The following SNTB1 variants were observed in gnomAD, a reference collection of about 807,000 sequenced individuals.
SNTB1 encodes the protein beta-1-syntrophin.
SNTB1 carries 36 observed loss-of-function variants against 48.9 expected under a neutral mutation model. That is an observed-to-expected ratio of 0.74 (90% CI 0.56 to 0.97). The LOEUF (loss-of-function observed/expected upper bound fraction) is 0.97. Among genes scored for constraint, SNTB1 ranks in the 50% least tolerant of loss-of-function variants. SNTB1 has a pLI of 0.00. For missense variants in SNTB1, 786 were observed against 703.4 expected, an observed-to-expected ratio of 1.12 and a Z score of -1.33; for synonymous variants, 299 against 294.6, an observed-to-expected ratio of 1.01 and a Z score of -0.15.
At chr8:120,706,733 C>T (rs1818382694) in intron 1 of SNTB1, among the ~76,000 whole-genome samples, 2 of 152,158 alleles carry the variant, frequency 1.3e-5, no homozygotes, top group African/African-American at 2.4e-5. Flanking sequence ...GTGTGTCTCT[C>T]TCTTGCCCCT....
intron 1 of SNTB1, among the ~76,000 whole-genome samples, chr8:120,791,579 C>CTCAAACAAA (rs1328859629): frequency 6.6e-6 from 1 of 151,934 alleles, no homozygotes; most frequent in African/African-American, 2.4e-5. Flanking sequence ...CTACAAGGAA[C>CTCAAACAAA]TCAAACAAAT....
At chr8:120,754,304 G>T (rs1031149841) in intron 1 of SNTB1, among the ~76,000 whole-genome samples, 1 of 151,970 alleles carries the variant, frequency 6.6e-6, no homozygotes, top group Admixed American at 6.6e-5. Flanking sequence ...ACCAGCCTGG[G>T]CAACATGGTG....
chr8:120,806,218 C>A (rs1195448090), intron 1 of SNTB1, among the ~76,000 whole-genome samples: 1 of 152,188 alleles, frequency 6.6e-6, no homozygotes, highest in Non-Finnish European at 1.5e-5. Context: ...CAACGAAGTG[C>A]AGAAGGGGTG....
At chr8:120,542,028 A>G in intron 5 of SNTB1, 28 bp from the exon 6 acceptor site, 1 of 1,587,506 alleles carries the variant, frequency 6.3e-7, no homozygotes, top group Admixed American at 1.7e-5. Flanking sequence ...AGAAAAAGAG[A>G]CAAGTATGAA....
At chr8:120,755,138 GGTGTTGT>G (rs796421147) in intron 1 of SNTB1, among the ~76,000 whole-genome samples, 2 of 89,274 alleles carry the variant, frequency 2.2e-5, no homozygotes, top group Non-Finnish European at 2.0e-5. Context: ...GCTATGCTGT[GGTGTTGT>G]GTGTGTGTGT....
At chr8:120,578,515 G>A (rs373807761) in intron 3 of SNTB1, among the ~76,000 whole-genome samples, 1 of 152,196 alleles carries the variant, frequency 6.6e-6, no homozygotes, top group East Asian at 1.9e-4. Context: ...TGAAACAGAT[G>A]TGATTTCCAT....
intron 1 of SNTB1, among the ~76,000 whole-genome samples, chr8:120,771,040 G>T (rs1819618184): frequency 6.6e-6 from 1 of 152,106 alleles, no homozygotes; most frequent in African/African-American, 2.4e-5. Flanking sequence ...CCAGGAGGTT[G>T]GTCACTCAAT....
rs199932431 is a variant in SNTB1 at position 120,639,778 on chromosome 8, A to G, written c.789-7127T>C. Among the ~76,000 whole-genome samples, 996 of 152,254 alleles carry G rather than the reference A, an allele frequency of 6.5e-3. 13 individuals are homozygous for G. In the Middle Eastern group the frequency reaches 0.075, roughly 11 times the overall value. Reference sequence around the variant, plus strand: ...CCAGTACCATGCTGTTTTGGTTACTATAGCCTTGTAGTACAGTTTGAAGTC... The same window carrying G: ...CCAGTACCATGCTGTTTTGGTTACTGTAGCCTTGTAGTACAGTTTGAAGTC... On this transcript the variant is annotated intron_variant, in intron 2 of 6. Coordinates refer to ENST00000517992, the MANE Select transcript of SNTB1 (RefSeq NM_021021.4).
intron 4 of SNTB1, among the ~76,000 whole-genome samples, chr8:120,562,388 G>C (rs1212598874): frequency 6.6e-6 from 1 of 152,096 alleles, no homozygotes; most frequent in Admixed American, 6.6e-5. Context: ...AAAGTCCATG[G>C]ACCTCCTCAC....
At chr8:120,559,228 C>G (rs1815614671) in intron 4 of SNTB1, among the ~76,000 whole-genome samples, 2 of 152,176 alleles carry the variant, frequency 1.3e-5, no homozygotes, top group Non-Finnish European at 2.9e-5. Context: ...CCTGCTTCTT[C>G]TTTTGAATCT....
intron 2 of SNTB1, among the ~76,000 whole-genome samples, chr8:120,658,608 A>G (rs1050880479): frequency 2.0e-5 from 3 of 152,182 alleles, no homozygotes; most frequent in Admixed American, 6.5e-5. Context: ...CAATATATCT[A>G]AGAAAACAAT....
intron 3 of SNTB1, among the ~76,000 whole-genome samples, chr8:120,614,454 C>T (rs981279704): frequency 6.6e-6 from 1 of 152,220 alleles, no homozygotes; most frequent in Non-Finnish European, 1.5e-5. Context: ...AAATTCTTTA[C>T]ACCACTGCCT....
At chr8:120,622,005 G>A (rs942584524) in intron 3 of SNTB1, among the ~76,000 whole-genome samples, 3 of 152,156 alleles carry the variant, frequency 2.0e-5, no homozygotes, top group African/African-American at 7.2e-5. Flanking sequence ...ACCATCTCAT[G>A]CATTCAACAA....
At chr8:120,603,553 G>T (rs1363433055) in intron 3 of SNTB1, among the ~76,000 whole-genome samples, 1 of 152,146 alleles carries the variant, frequency 6.6e-6, no homozygotes, top group Non-Finnish European at 1.5e-5. Flanking sequence ...GCAAATTCTT[G>T]CATCACACCT....
chr8:120,697,344 A>G (rs1201470298), intron 1 of SNTB1, among the ~76,000 whole-genome samples: 1 of 152,234 alleles, frequency 6.6e-6, no homozygotes, highest in African/African-American at 2.4e-5. Flanking sequence ...GACAGAAAAA[A>G]ATAAGGTAGG....
At chr8:120,638,808 T>A (rs536449399) in intron 2 of SNTB1, among the ~76,000 whole-genome samples, 1 of 152,368 alleles carries the variant, frequency 6.6e-6, no homozygotes, top group East Asian at 1.9e-4. Context: ...CTATCACTGA[T>A]GGACATTTGG....
intron 3 of SNTB1, among the ~76,000 whole-genome samples, chr8:120,616,482 T>TTG (rs1554648042): frequency 1.2e-4 from 12 of 103,406 alleles, no homozygotes; most frequent in Admixed American, 1.1e-3. Context: ...AAAAAGTTTT[T>TTG]TTTTTTTTTT....
At position 120,542,803 on chromosome 8, in the gene SNTB1, C is replaced by T. The variant is rs766954920; in HGVS notation, c.1334-803G>A. On this transcript the variant is annotated intron_variant, in intron 5 of 6. Coordinates refer to ENST00000517992, the MANE Select transcript of SNTB1 (RefSeq NM_021021.4). ...CACCCATGACATCAAAATTAACTAACGTAAATACATAAGTCAGGAATGAGT... is the reference window on the plus strand; with the variant it reads ...CACCCATGACATCAAAATTAACTAATGTAAATACATAAGTCAGGAATGAGT... Among the ~76,000 whole-genome samples, 32 of 151,994 alleles carry T rather than the reference C, an allele frequency of 2.1e-4. 1 individual carries two copies. The highest frequency in any genetic ancestry group is 3.4e-3 in the Middle Eastern group (1 of 294).
At chr8:120,643,459 A>G (rs1338001762) in intron 2 of SNTB1, among the ~76,000 whole-genome samples, 1 of 152,134 alleles carries the variant, frequency 6.6e-6, no homozygotes, top group African/African-American at 2.4e-5. Flanking sequence ...AGTGCATTAT[A>G]TCATTCTTCT....
Sources: gnomAD v4.1 joint callset for allele counts (sites outside exome capture counted in the v4.1 genomes callset) on GRCh38, gnomAD v4.1.1 for gene constraint, MANE v1.5 for transcripts, NCBI Gene and HGNC (gene_info 2026-07-23, HGNC 2026-07-21) for gene names.